The following CMIP variants were observed in gnomAD, a reference collection of about 807,000 sequenced individuals.
The protein encoded by CMIP is c-Maf inducing protein.
CMIP carries 13 observed loss-of-function variants against 97.3 expected under a neutral mutation model. The observed-to-expected ratio is 0.13, with a 90% CI of 0.09 to 0.21. The LOEUF (loss-of-function observed/expected upper bound fraction) is 0.21. Ranked by LOEUF, CMIP falls within the 10% of genes least tolerant of loss-of-function variation. The pLI, the probability that CMIP is intolerant of heterozygous loss-of-function variation, is 1.00. For missense variants in CMIP, 847 were observed against 1,024.9 expected (o/e 0.83, Z 2.37); for synonymous variants, 538 against 436.3 (o/e 1.23, Z -2.91).
At chr16:81,492,176 C>A (rs565691585) in intron 1 of CMIP, among the ~76,000 whole-genome samples, 1 of 152,186 alleles carries the variant, frequency 6.6e-6, no homozygotes, top group African/African-American at 2.4e-5. Flanking sequence ...CTTTGGATAT[C>A]GATGAGGCTC....
At chr16:81,538,733 A>G (rs924768947) in intron 1 of CMIP, among the ~76,000 whole-genome samples, 10 of 152,198 alleles carry the variant, frequency 6.6e-5, no homozygotes, top group Middle Eastern at 3.2e-3. Flanking sequence ...TTCCAAGGAA[A>G]TAGAAAAAGG....
intron 1 of CMIP, among the ~76,000 whole-genome samples, chr16:81,455,005 G>A (rs985561342): frequency 1.3e-5 from 2 of 152,206 alleles, no homozygotes; most frequent in African/African-American, 4.8e-5. Flanking sequence ...GGTGGACACC[G>A]TAAGACGGCA....
chr16:81,449,229 C>A (rs1452558540), intron 1 of CMIP, among the ~76,000 whole-genome samples: 1 of 152,184 alleles, frequency 6.6e-6, no homozygotes, highest in East Asian at 1.9e-4. Context: ...GGGGTCGGGG[C>A]ACAGGTGACA....
intron 1 of CMIP, among the ~76,000 whole-genome samples, chr16:81,585,321 A>G (rs1174363161): frequency 2.0e-5 from 3 of 152,222 alleles, no homozygotes; most frequent in Non-Finnish European, 2.9e-5. Context: ...AGCCTGGGCA[A>G]AAGAGTAAGA....
chr16:81,457,837 G>T (rs1304021279), intron 1 of CMIP, among the ~76,000 whole-genome samples: 1 of 152,216 alleles, frequency 6.6e-6, no homozygotes, highest in Non-Finnish European at 1.5e-5. Context: ...TGTCTGGCAT[G>T]GTGTGGGGCC....
At chr16:81,577,928 C>G (rs971217120) in intron 1 of CMIP, among the ~76,000 whole-genome samples, 2 of 151,386 alleles carry the variant, frequency 1.3e-5, no homozygotes, top group Admixed American at 1.3e-4. Context: ...ACCATCATCA[C>G]CATCACCTTC....
chr16:81,532,828 C>T lies in CMIP; in HGVS notation c.301-74739C>T, dbSNP rs191645392. Among the ~76,000 whole-genome samples the T allele has an allele frequency of 7.2e-5, 11 of 152,288 alleles. No homozygotes were observed. The East Asian group carries it at 2.1e-3, about 29-fold the overall frequency. ...ATGATTAACTGTGTGACCTTGGACA[C>T]ACCGTGTTGCCTCCTGCGCCTCTCT... On this transcript the variant is annotated intron_variant, in intron 1 of 20. Transcript: ENST00000537098.
chr16:81,520,271 C>T (rs934751177), intron 1 of CMIP: 4 of 152,192 alleles, frequency 2.6e-5, no homozygotes, highest in African/African-American at 9.7e-5. Context: ...ATCTGTCTGC[C>T]TCGATTTCTT....
intron 1 of CMIP, among the ~76,000 whole-genome samples, chr16:81,445,872 C>T (rs1905802680): frequency 6.6e-6 from 1 of 151,752 alleles, no homozygotes; most frequent in African/African-American, 2.4e-5. Context: ...GACGCTGGGC[C>T]CTGATGGTGG....
intron 6 of CMIP, among the ~76,000 whole-genome samples, chr16:81,662,514 G>T (rs1567642803): frequency 6.6e-6 from 1 of 152,190 alleles, no homozygotes; most frequent in African/African-American, 2.4e-5. Flanking sequence ...TGCTTCTTTG[G>T]CTATTTTGCC....
chr16:81,543,413 T>C (rs1467617454), intron 1 of CMIP, among the ~76,000 whole-genome samples: 1 of 152,204 alleles, frequency 6.6e-6, no homozygotes. Flanking sequence ...GGCGTTGCGT[T>C]GGCTAGTGTC....
At chr16:81,587,642 G>A (rs1012950067) in intron 1 of CMIP, among the ~76,000 whole-genome samples, 2 of 152,200 alleles carry the variant, frequency 1.3e-5, no homozygotes, top group African/African-American at 4.8e-5. Flanking sequence ...GAGCTACAGC[G>A]CTGGAGTGGG....
At chr16:81,704,961 G>C (rs929436445) in intron 18 of CMIP, among the ~76,000 whole-genome samples, 2 of 151,978 alleles carry the variant, frequency 1.3e-5, no homozygotes, top group African/African-American at 4.8e-5. Flanking sequence ...CTGCGCAGGA[G>C]GCTTCTGGGT....
At position 81,645,629 on chromosome 16, in the gene CMIP, G is replaced by A. The variant is rs1170582376; in HGVS notation, c.478-6574G>A. The A allele has an allele frequency of 3.3e-6, 5 of 1,535,252 alleles. No homozygotes were observed. In the Admixed American group the frequency reaches 9.8e-5, roughly 30 times the overall value. On this transcript the variant is annotated intron_variant, in intron 3 of 20. Coordinates refer to ENST00000537098, the MANE Select transcript of CMIP (RefSeq NM_198390.3). ...GTCCCTTCCTTGACAAGCAGAGAGG[G>A]TGAGGACAGCGCTGGAGTGGCTGAC...
In CMIP at chr16:81,586,361, G is replaced by A. The variant is rs548098543; in HGVS notation, c.301-21206G>A. 2.6e-5 allele frequency among the ~76,000 whole-genome samples: 4 copies of A among 152,064 alleles called. No individual in the cohort carries two copies. In the South Asian group the frequency reaches 6.2e-4, roughly 24 times the overall value. ...GTAATTTGTGGGTGCTATTATCATCGAAACAGCGATAGTAGAAAGAGATAG... is the reference window on the plus strand; with the variant it reads ...GTAATTTGTGGGTGCTATTATCATCAAAACAGCGATAGTAGAAAGAGATAG... On this transcript the variant is annotated intron_variant, in intron 1 of 20. Transcript: ENST00000537098.
chr16:81,671,921 C>T, intron 8 of CMIP, 45 bp from the exon 9 acceptor site: 1 of 1,063,338 alleles, frequency 9.4e-7, no homozygotes, highest in Non-Finnish European at 1.4e-6. Context: ...GTCCATGGGC[C>T]CCACTCCTGC....
At chr16:81,691,466 G>T (rs1401508929) in intron 10 of CMIP, among the ~76,000 whole-genome samples, 1 of 152,178 alleles carries the variant, frequency 6.6e-6, no homozygotes, top group African/African-American at 2.4e-5. Flanking sequence ...ACCCCCTAAT[G>T]GTCCCAAAGA....
At chr16:81,479,985 G>T (rs1170251394) in intron 1 of CMIP, among the ~76,000 whole-genome samples, 3 of 152,168 alleles carry the variant, frequency 2.0e-5, no homozygotes, top group African/African-American at 4.8e-5. Context: ...GTGGTTCTCA[G>T]CCCTGGCCGC....
chr16:81,516,360 C>T (rs549099939), intron 1 of CMIP, among the ~76,000 whole-genome samples: 18 of 152,340 alleles, frequency 1.2e-4, no homozygotes, highest in Admixed American at 9.1e-4. Flanking sequence ...CGGGTCCCCT[C>T]GTCCACCCGA....
Sources: allele counts gnomAD v4.1 joint callset (sites outside exome capture counted in the v4.1 genomes callset), GRCh38; gene constraint gnomAD v4.1.1; transcripts MANE v1.5; gene names NCBI Gene and HGNC (gene_info 2026-07-23, HGNC 2026-07-21).